SLC17A6: variants seen among roughly 807,000 people sequenced by gnomAD.
The protein encoded by SLC17A6 is vesicular glutamate transporter 2.
In SLC17A6, 35 loss-of-function variants were observed where a neutral mutation model predicts 67.1. The ratio of observed to expected loss-of-function variants is 0.52; its 90% CI spans 0.40 to 0.69. The LOEUF (loss-of-function observed/expected upper bound fraction) is 0.69, where lower values mean the gene tolerates loss of function less well. Among genes scored for constraint, SLC17A6 ranks in the 30% least tolerant of loss-of-function variants. SLC17A6 has a pLI of 0.00. For missense variants in SLC17A6, 588 were observed against 723.9 expected (o/e 0.81, Z 2.15); for synonymous variants, 285 against 252.3 (o/e 1.13, Z -1.23).
In SLC17A6 at chr11:22,365,667, C is replaced by A. The variant is rs1158568019; in HGVS notation, c.869C>A (p.Ala290Glu). ...RYIEESIGES[A>E]NLLGAMEKFK... The stretch of plus-strand genomic sequence containing the variant: ...ATAGAAGAAAGCATTGGAGAGAGTG[C>A]AAATCTTTTAGGTGCAATGGAAGTA... Residue 290 changes from alanine (A) to glutamate (E), a missense_variant, in exon 7 of 12, where the codon GCA (alanine) becomes GAA (glutamate). This residue lies in a region of SLC17A6 where 414 missense variants were observed against 563.4 expected (regional missense o/e 0.73). Transcript: ENST00000263160. 1 of 1,613,252 alleles carries A rather than the reference C, an allele frequency of 6.2e-7. No individual in the cohort carries two copies. Among genetic ancestry groups the A allele is most frequent in the African/African-American group, 1.3e-5 (1 of 74,880 alleles).
intron 3 of SLC17A6, among the ~76,000 whole-genome samples, chr11:22,344,084 T>A (rs1855850106): frequency 6.6e-6 from 1 of 152,132 alleles, no homozygotes; most frequent in Admixed American, 6.5e-5. Flanking sequence ...GGGGCACGCT[T>A]GGCCACCAGA....
chr11:22,362,427 T>G (rs995527911), intron 5 of SLC17A6: 13 of 399,578 alleles, frequency 3.3e-5, no homozygotes, highest in Non-Finnish European at 5.2e-5. Context: ...TGCCATACTC[T>G]GTCCCAAGTC....
intron 3 of SLC17A6, among the ~76,000 whole-genome samples, chr11:22,355,202 G>A (rs1372383369): frequency 6.6e-6 from 1 of 152,156 alleles, no homozygotes. Flanking sequence ...AGTGTCAGAT[G>A]AACTGTGAAC....
At position 22,339,014 on chromosome 11, in the gene SLC17A6, A is replaced by G. The variant is rs143652409; in HGVS notation, c.86+395A>G. 4.1e-3 allele frequency among the ~76,000 whole-genome samples: 602 copies of G among 145,998 alleles called. 9 individuals carry two copies. Among genetic ancestry groups the G allele is most frequent in the African/African-American group, 0.015 (584 of 40,014 alleles). The stretch of plus-strand genomic sequence containing the variant: ...TTTGATGCAGACAAATGAATATAAA[A>G]CACAACCATCTAAAAAAATAACCAA... On this transcript the variant is annotated intron_variant, in intron 1 of 11. Transcript: ENST00000263160.
At chr11:22,356,418 C>T (rs1203807318) in intron 3 of SLC17A6, among the ~76,000 whole-genome samples, 1 of 151,920 alleles carries the variant, frequency 6.6e-6, no homozygotes, top group Admixed American at 6.6e-5. Context: ...ATTAGGATAA[C>T]AATTATATAA....
chr11:22,365,456 G>C, intron 6 of SLC17A6, 91 bp from the exon 7 acceptor site: 2 of 1,330,220 alleles, frequency 1.5e-6, no homozygotes, highest in South Asian at 2.4e-5. Context: ...CTTTCTAATA[G>C]AATATGTTTG....
chr11:22,358,229 G>T (rs972837016), intron 3 of SLC17A6, among the ~76,000 whole-genome samples: 1 of 152,174 alleles, frequency 6.6e-6, no homozygotes, highest in East Asian at 1.9e-4. Flanking sequence ...GAGTTAGCAC[G>T]TCCCAAAACA....
chr11:22,371,766 T>A (rs1360975009), intron 8 of SLC17A6, among the ~76,000 whole-genome samples: 2 of 152,068 alleles, frequency 1.3e-5, no homozygotes, highest in African/African-American at 4.8e-5. Flanking sequence ...CATTCATTAG[T>A]TATATTTTTA....
At chr11:22,338,812 G>GGTGTGTGTGTGTGTGT (rs3047441) in intron 1 of SLC17A6, among the ~76,000 whole-genome samples, 193 bp downstream of exon 1, 2 of 136,244 alleles carry the variant, frequency 1.5e-5, no homozygotes, top group African/African-American at 5.6e-5. Flanking sequence ...GAACCTGTCT[G>GGTGTGTGTGTGTGTGT]GTGTGTGTGT....
chr11:22,342,777 C>A (rs1855832607), intron 2 of SLC17A6, among the ~76,000 whole-genome samples: 1 of 152,226 alleles, frequency 6.6e-6, no homozygotes, highest in Admixed American at 6.5e-5. Context: ...AAGCCCTGCA[C>A]CTTTCACCAT....
Position 22,343,320 on chromosome 11 carries a change from C to G in SLC17A6, c.413C>G (p.Thr138Ser). ...HGSFFWGYII[T>S]QIPGGYIASR... is the part of the protein sequence containing the mutation. ...TCCTTCTTTTGGGGCTACATCATCA[C>G]TCAGATTCCGGGAGGCTACATCGCG... is the stretch of plus-strand genomic sequence containing the variant. The change falls in exon 3 of 12, where the codon ACT (threonine) becomes AGT (serine). Residue 138 changes from threonine to serine, a missense_variant. By Grantham distance (58) the Thr-to-Ser change is moderately conservative. This residue lies in a region of SLC17A6 where 414 missense variants were observed against 563.4 expected (regional missense o/e 0.73). Coordinates refer to ENST00000263160, the MANE Select transcript of SLC17A6 (RefSeq NM_020346.3). The G allele has an allele frequency of 6.2e-7, 1 of 1,612,836 alleles. No individual in the cohort carries two copies. Among genetic ancestry groups the G allele is most frequent in the Non-Finnish European group, 8.5e-7 (1 of 1,179,724 alleles).
intron 4 of SLC17A6, among the ~76,000 whole-genome samples, 183 bp from the exon 5 acceptor site, chr11:22,360,714 T>G (rs1408555413): frequency 4.6e-5 from 7 of 152,132 alleles, no homozygotes. Context: ...TCTCCCAAAT[T>G]TTTTCAAACT....
chr11:22,371,910 A>C (rs1856179232), intron 8 of SLC17A6, among the ~76,000 whole-genome samples: 1 of 152,108 alleles, frequency 6.6e-6, no homozygotes, highest in Non-Finnish European at 1.5e-5. Flanking sequence ...CTTTGGGTCT[A>C]GACTGACATG....
Position 22,342,811 on chromosome 11 carries a change from G to A in SLC17A6, c.340-436G>A, listed in dbSNP as rs1462966042. 1.1e-5 allele frequency: 4 copies of A among 353,932 alleles called. No homozygotes were observed. The Admixed American group carries it at 1.4e-4, about 12-fold the overall frequency. 21.9% of individuals were successfully genotyped at this position (353,932 alleles called of 1,614,324 possible). On this transcript the variant is annotated intron_variant, in intron 2 of 11. Transcript: ENST00000263160. ...ATTTGCTCCCCACCTTCCTTCCTCA[G>A]AATTTCCCGATTTAAGTCTCCAGGG...
intron 7 of SLC17A6, among the ~76,000 whole-genome samples, chr11:22,368,624 T>C (rs1856139295): frequency 6.6e-6 from 1 of 152,044 alleles, no homozygotes; most frequent in East Asian, 1.9e-4. Flanking sequence ...AAAGGATCTT[T>C]GCCCAACAGG....
At chr11:22,371,109 C>T (rs770551218) in intron 8 of SLC17A6, among the ~76,000 whole-genome samples, 4 of 152,054 alleles carry the variant, frequency 2.6e-5, no homozygotes, top group Non-Finnish European at 4.4e-5. Flanking sequence ...TCTTTGATTT[C>T]TGTTTAATTA....
Position 22,339,130 on chromosome 11 carries a change from T to TTA in SLC17A6, c.86+521_86+522dup, listed in dbSNP as rs1235103963. On this transcript the variant is annotated intron_variant, in intron 1 of 11. Transcript: ENST00000263160. ...TATATATATATGTTATATATATATG[T>TTA]TATATATATATGTTATATATAGTTA... Among the ~76,000 whole-genome samples the TTA allele has an allele frequency of 3.6e-4, 9 of 25,180 alleles. 2 individuals are homozygous for TTA. The highest frequency in any genetic ancestry group is 3.6e-3 in the South Asian group (2 of 562). 16.5% of individuals were successfully genotyped at this position (25,180 alleles called of 152,430 possible).
chr11:22,360,795 G>A (rs1856043915), intron 4 of SLC17A6, 102 bp from the exon 5 acceptor site: 2 of 861,070 alleles, frequency 2.3e-6, no homozygotes, highest in South Asian at 2.0e-5. Flanking sequence ...AAAGAAAATT[G>A]AGGTGGAAGG....
At position 22,347,354 on chromosome 11, in the gene SLC17A6, C is replaced by T. The variant is rs117952113; in HGVS notation, c.458+3989C>T. On this transcript the variant is annotated intron_variant, in intron 3 of 11. Transcript: ENST00000263160. The stretch of plus-strand genomic sequence containing the variant: ...TAAAATGTGATTTATCCCCTTTACA[C>T]CTTAGTTTGTATTTCTGTAAAGGAG... Among the ~76,000 whole-genome samples, 1,228 of 152,076 alleles carry T rather than the reference C, an allele frequency of 8.1e-3. 12 individuals are homozygous for T. Among genetic ancestry groups the T allele is most frequent in the Non-Finnish European group, 0.011 (770 of 67,980 alleles).
Sources: gnomAD v4.1 joint callset for allele counts (sites outside exome capture counted in the v4.1 genomes callset) on GRCh38, gnomAD v4.1.1 for gene constraint, gnomAD v4.1.1 regional missense constraint, MANE v1.5 for transcripts, NCBI Gene and HGNC (gene_info 2026-07-23, HGNC 2026-07-21) for gene names.